Variants in SLC24A2 observed in about 807,000 individuals in gnomAD.
The protein encoded by SLC24A2 is sodium/potassium/calcium exchanger 2.
Under a neutral mutation model 62.0 loss-of-function variants are expected in SLC24A2, and 36 were observed. The ratio of observed to expected loss-of-function variants is 0.58; its 90% CI spans 0.44 to 0.77. The LOEUF is 0.77. Ranked by LOEUF, SLC24A2 falls within the 30% of genes least tolerant of loss-of-function variation. The pLI, the probability that SLC24A2 is intolerant of heterozygous loss-of-function variation, is 0.00. For synonymous variants in SLC24A2, 358 were observed against 294.0 expected (o/e 1.22, Z -2.23); for missense variants, 846 against 817.9 (o/e 1.03, Z -0.42).
At chr9:20,195,412 T>C in the SLC24A2 span, among the ~76,000 whole-genome samples, 2 of 152,210 alleles carry the variant, frequency 1.3e-5, no homozygotes, top group Non-Finnish European at 2.9e-5. Context: ...TGTTTTAATT[T>C]ATATTTATCT....
chr9:19,723,765 A>T (rs1821094768), intron 2 of SLC24A2, among the ~76,000 whole-genome samples: 1 of 151,970 alleles, frequency 6.6e-6, no homozygotes, highest in African/African-American at 2.4e-5. Context: ...CCAGAAGCAA[A>T]GAGAGAAAAA....
At chr9:20,119,584 C>T in the SLC24A2 span, among the ~76,000 whole-genome samples, 2 of 152,036 alleles carry the variant, frequency 1.3e-5, no homozygotes, top group South Asian at 4.1e-4. Flanking sequence ...TCTTAGCAAA[C>T]CTGGAAAAGA....
the SLC24A2 span, among the ~76,000 whole-genome samples, chr9:20,252,039 AG>A: frequency 6.6e-6 from 1 of 152,208 alleles, no homozygotes; most frequent in Admixed American, 6.5e-5. Flanking sequence ...TCACTGTCAA[AG>A]GGAATGGGAT....
At chr9:19,692,455 T>G (rs1367844994) in intron 2 of SLC24A2, among the ~76,000 whole-genome samples, 2 of 152,190 alleles carry the variant, frequency 1.3e-5, no homozygotes, top group Admixed American at 6.6e-5. Flanking sequence ...ACGACAAAAT[T>G]GAAGCCACCT....
chr9:20,027,924 T>C, the SLC24A2 span, among the ~76,000 whole-genome samples: 1 of 152,226 alleles, frequency 6.6e-6, no homozygotes, highest in African/African-American at 2.4e-5. Flanking sequence ...TTTTTTTAAA[T>C]GGGCTTTAGG....
the SLC24A2 span, among the ~76,000 whole-genome samples, chr9:19,919,045 A>C: frequency 6.6e-6 from 1 of 152,248 alleles, no homozygotes; most frequent in Non-Finnish European, 1.5e-5. Context: ...TTTTGATATC[A>C]CACTGAATGG....
intron 5 of SLC24A2, among the ~76,000 whole-genome samples, chr9:19,577,856 A>G (rs576346814): frequency 1.3e-5 from 2 of 148,494 alleles, no homozygotes; most frequent in African/African-American, 4.9e-5. Context: ...TATATAAAAT[A>G]TATATATAAA....
chr9:19,939,732 A>T, the SLC24A2 span, among the ~76,000 whole-genome samples: 4 of 152,184 alleles, frequency 2.6e-5, no homozygotes, highest in African/African-American at 7.2e-5. Context: ...GCTTCGTTAT[A>T]ATCTTAGGGG....
At chr9:19,840,514 G>C in the SLC24A2 span, among the ~76,000 whole-genome samples, 1 of 151,986 alleles carries the variant, frequency 6.6e-6, no homozygotes, top group African/African-American at 2.4e-5. Flanking sequence ...TGATTTCTGG[G>C]GAATGACCTT....
the SLC24A2 span, among the ~76,000 whole-genome samples, chr9:20,076,701 G>T: frequency 6.6e-6 from 1 of 151,940 alleles, no homozygotes; most frequent in South Asian, 2.1e-4. Context: ...CAAGTTCCTG[G>T]GCTGGGGGAT....
the SLC24A2 span, among the ~76,000 whole-genome samples, chr9:19,896,930 A>G: frequency 6.6e-6 from 1 of 152,234 alleles, no homozygotes; most frequent in Non-Finnish European, 1.5e-5. Flanking sequence ...GTCTAATTTA[A>G]GAGTTGGGAA....
At position 19,515,828 on chromosome 9, in the gene SLC24A2, TTATAGA is replaced by T; in HGVS notation, c.*319_*324del. ...GTGCGTATATTTATAATATGTGTAT[TTATAGA>T]TATATATAGCCTGTGTCCTTGTTTG... On this transcript the variant is annotated 3_prime_UTR_variant, in exon 11 of 11. Transcript: ENST00000341998. 2.8e-6 allele frequency: 1 copy of T among 363,186 alleles called. No individual in the cohort carries two copies. Among genetic ancestry groups the T allele is most frequent in the South Asian group, 2.3e-5 (1 of 42,774 alleles). 22.5% of individuals were successfully genotyped at this position (363,186 alleles called of 1,614,324 possible).
intron 2 of SLC24A2, among the ~76,000 whole-genome samples, chr9:19,732,127 T>C (rs1323305173): frequency 1.3e-5 from 2 of 152,164 alleles, no homozygotes; most frequent in Non-Finnish European, 2.9e-5. Context: ...AAAAAAACTC[T>C]TCCTGGTGAA....
the SLC24A2 span, among the ~76,000 whole-genome samples, chr9:20,086,480 G>C: frequency 6.6e-6 from 1 of 152,298 alleles, no homozygotes; most frequent in South Asian, 2.1e-4. Flanking sequence ...TCCTGATCTT[G>C]TTATAGTGGC....
the SLC24A2 span, among the ~76,000 whole-genome samples, chr9:19,794,386 GT>G: frequency 1.3e-5 from 2 of 152,080 alleles, no homozygotes; most frequent in African/African-American, 4.8e-5. Context: ...TCACTTATAA[GT>G]GGGAACTAAA....
chr9:20,233,031 T>C, the SLC24A2 span, among the ~76,000 whole-genome samples: 20,286 of 151,882 alleles, frequency 0.13, 1,602 homozygotes, highest in African/African-American at 0.22. Context: ...TGTAGTTGAG[T>C]GGTTTTGAGT....
chr9:19,995,783 C>T, the SLC24A2 span, among the ~76,000 whole-genome samples: 1 of 152,240 alleles, frequency 6.6e-6, no homozygotes, highest in Non-Finnish European at 1.5e-5. Flanking sequence ...CAGTGCACCC[C>T]AGCATCTAGC....
chr9:20,154,779 T>C, the SLC24A2 span, among the ~76,000 whole-genome samples: 8 of 151,756 alleles, frequency 5.3e-5, 1 homozygote, highest in South Asian at 6.2e-4. Flanking sequence ...ATGCAGTAAC[T>C]CAACAACCTC....
chr9:19,895,059 A>G, the SLC24A2 span, among the ~76,000 whole-genome samples: 1 of 152,198 alleles, frequency 6.6e-6, no homozygotes, highest in Non-Finnish European at 1.5e-5. Context: ...ATTCATAGTT[A>G]TTTTAACTCT....
Sources: allele counts gnomAD v4.1 joint callset (sites outside exome capture counted in the v4.1 genomes callset), GRCh38; gene constraint gnomAD v4.1.1; transcripts MANE v1.5; gene names NCBI Gene and HGNC (gene_info 2026-07-23, HGNC 2026-07-21).